The following MYO1H variants were observed in gnomAD, a reference collection of about 807,000 sequenced individuals.
The protein encoded by MYO1H is myosin IH.
MYO1H carries 118 observed loss-of-function variants against 149.3 expected under a neutral mutation model. That is an observed-to-expected ratio of 0.79 (90% confidence interval 0.68 to 0.92). The LOEUF is 0.92. Among genes scored for constraint, MYO1H ranks in the 40% least tolerant of loss-of-function variants. MYO1H has a pLI of 0.00. For missense variants in MYO1H, 1,212 were observed against 1,280.7 expected (o/e 0.95, Z 0.82); for synonymous variants, 447 against 465.2 (o/e 0.96, Z 0.50).
At chr12:109,370,338 G>A (rs1183159357) in intron 1 of MYO1H, among the ~76,000 whole-genome samples, 3 of 152,194 alleles carry the variant, frequency 2.0e-5, no homozygotes, top group African/African-American at 4.8e-5. Context: ...AGGTGGGAAG[G>A]TAGTTCCTGT....
chr12:109,366,411 G>T (rs902302505), intron 1 of MYO1H, among the ~76,000 whole-genome samples: 1 of 152,176 alleles, frequency 6.6e-6, no homozygotes, highest in Admixed American at 6.5e-5. Flanking sequence ...GTGGGGGCAG[G>T]CTTGGGGAAG....
chr12:109,411,334 C>T (rs1406706413), intron 13 of MYO1H, among the ~76,000 whole-genome samples: 1 of 152,130 alleles, frequency 6.6e-6, no homozygotes, highest in Non-Finnish European at 1.5e-5. Flanking sequence ...AACTCCTGGG[C>T]TCAAGACATC....
At chr12:109,333,040 C>G in the MYO1H span, among the ~76,000 whole-genome samples, 2 of 152,146 alleles carry the variant, frequency 1.3e-5, no homozygotes, top group Admixed American at 1.3e-4. Flanking sequence ...TGTAAAAACG[C>G]CGGGTGCCAT....
rs750749981 is a variant in MYO1H at position 109,415,573 on chromosome 12, A to C, written c.1550A>C (p.Glu517Ala). 13 of 1,607,504 alleles carry C rather than the reference A, an allele frequency of 8.1e-6. No individual in the cohort carries two copies. The South Asian group carries it at 1.5e-4, about 18-fold the overall frequency. ...GGCCGAAAGAGGATTGGCTGGATGG[A>C]GTTCCGACTCCTCCACTATGCAGGA... The change falls in exon 15 of 32, where the codon GAG becomes GCG. Residue 517 changes from glutamate to alanine, a missense_variant. Physicochemically the swap from Glu to Ala is moderately radical, Grantham distance 107. Coordinates refer to ENST00000310903, the Ensembl canonical transcript of MYO1H.
intron 1 of MYO1H, among the ~76,000 whole-genome samples, chr12:109,352,006 G>C (rs1328124442): frequency 6.6e-6 from 1 of 152,090 alleles, no homozygotes; most frequent in Non-Finnish European, 1.5e-5. Context: ...GATTCCATAA[G>C]ATATGCTTTG....
intron 27 of MYO1H, 109 bp from the exon 28 acceptor site, chr12:109,443,405 A>ACAC: frequency 8.2e-7 from 1 of 1,226,266 alleles, no homozygotes; most frequent in Non-Finnish European, 1.1e-6. Context: ...TACACGCAAA[A>ACAC]TCTGTTTGAG....
chr12:109,445,094 G>C (rs566794392), intron 30 of MYO1H, among the ~76,000 whole-genome samples: 67 of 152,292 alleles, frequency 4.4e-4, no homozygotes, highest in African/African-American at 1.6e-3. Context: ...CTGGAGAGCT[G>C]TTTCTTTTCC....
chr12:109,319,752 AT>A, the MYO1H span, among the ~76,000 whole-genome samples: 1 of 152,132 alleles, frequency 6.6e-6, no homozygotes, highest in Admixed American at 6.5e-5. Context: ...GTTGTAGGAT[AT>A]TTAGTGGCTC....
At chr12:109,415,441 A>G in intron 14 of MYO1H, 85 bp from the exon 15 acceptor site, 1 of 1,269,630 alleles carries the variant, frequency 7.9e-7, no homozygotes, top group Non-Finnish European at 1.1e-6. Context: ...GTGCCACTGC[A>G]CTCCAGCTTG....
rs1871275092 is a variant in MYO1H at position 109,424,173 on chromosome 12, CTTTT to C, written c.1645-573_1645-570del. The stretch of plus-strand genomic sequence containing the variant: ...TATCTTGGAGATCATTCTTTTTTTT[CTTTT>C]TGAGACAGGTTCTCAGTCTGTCACT... On this transcript the variant is annotated intron_variant, in intron 16 of 31. Coordinates refer to ENST00000310903, the Ensembl canonical transcript of MYO1H. 2.6e-5 allele frequency among the ~76,000 whole-genome samples: 4 copies of C among 151,356 alleles called. No individual in the cohort carries two copies. The South Asian group carries it at 8.3e-4, about 32-fold the overall frequency.
chr12:109,422,333 C>T (rs1415260460), intron 16 of MYO1H, among the ~76,000 whole-genome samples: 1 of 152,194 alleles, frequency 6.6e-6, no homozygotes, highest in Non-Finnish European at 1.5e-5. Flanking sequence ...TTTTTGGACT[C>T]AAGGTAGACG....
chr12:109,422,143 C>T (rs558073139), intron 16 of MYO1H, among the ~76,000 whole-genome samples: 10 of 152,278 alleles, frequency 6.6e-5, no homozygotes, highest in African/African-American at 2.4e-4. Context: ...TTTAAGGCCC[C>T]TATTTTGTAT....
At chr12:109,350,178 G>C (rs952437784) in intron 1 of MYO1H, among the ~76,000 whole-genome samples, 57 of 152,044 alleles carry the variant, frequency 3.7e-4, no homozygotes, top group African/African-American at 1.4e-3. Flanking sequence ...TAGTTCGCAG[G>C]TGATTCATTC....
At chr12:109,334,988 A>G in the MYO1H span, among the ~76,000 whole-genome samples, 2 of 152,166 alleles carry the variant, frequency 1.3e-5, no homozygotes, top group African/African-American at 4.8e-5. Flanking sequence ...CTGTCTCTAC[A>G]GATTTTTGTT....
At chr12:109,447,980 AG>A in exon 32 of MYO1H, 1 of 152,346 alleles carries the variant, frequency 6.6e-6, no homozygotes, top group Middle Eastern at 3.4e-3. Context: ...GTGACTGGGG[AG>A]GGGCTCCGTA....
At chr12:109,440,876 G>GT (rs779008736) in intron 25 of MYO1H, 49 bp downstream of exon 25, 2 of 1,356,540 alleles carry the variant, frequency 1.5e-6, no homozygotes, top group Non-Finnish European at 2.1e-6. Context: ...GGGTGTAAGA[G>GT]TGGGTCCTGA....
At chr12:109,440,428 A>AC (rs1298984125) in intron 24 of MYO1H, 1 of 302,202 alleles carries the variant, frequency 3.3e-6, no homozygotes, top group Non-Finnish European at 6.2e-6. Flanking sequence ...TGTGTCTGGA[A>AC]CTTAGAGGCG....
chr12:109,443,277 T>A (rs1872307202), intron 27 of MYO1H, among the ~76,000 whole-genome samples: 1 of 137,362 alleles, frequency 7.3e-6, no homozygotes, highest in South Asian at 2.3e-4. Context: ...TGTGTGTGTA[T>A]ATGTGTACGT....
chr12:109,364,127 T>C (rs1483886967), intron 1 of MYO1H, among the ~76,000 whole-genome samples: 1 of 134,552 alleles, frequency 7.4e-6, no homozygotes, highest in Non-Finnish European at 1.5e-5. Flanking sequence ...GCCAAGATCA[T>C]GCCACTGCAC....
Sources: allele counts gnomAD v4.1 joint callset (sites outside exome capture counted in the v4.1 genomes callset), GRCh38; gene constraint gnomAD v4.1.1; transcripts MANE v1.5; gene names NCBI Gene and HGNC (gene_info 2026-07-23, HGNC 2026-07-21).